Variants in RFLNA observed in about 807,000 individuals in gnomAD.
RFLNA encodes refilin-A.
RFLNA carries 5 observed loss-of-function variants against 7.8 expected under a neutral mutation model. That is an observed-to-expected ratio of 0.64 (90% CI 0.34 to 1.35). The LOEUF (loss-of-function observed/expected upper bound fraction) is 1.35, where lower values mean the gene tolerates loss of function less well. RFLNA is among the 40% of genes most tolerant of loss of function. The pLI is 0.04. For missense variants in RFLNA, 278 were observed against 305.5 expected (o/e 0.91, Z 0.67); for synonymous variants, 141 against 131.3 (o/e 1.07, Z -0.50).
rs547639806 is a variant in RFLNA, at chr12:124,311,756, A to G, written c.208-62A>G. On this transcript the variant is annotated intron_variant, in intron 1 of 2. Coordinates refer to ENST00000546355, the MANE Select transcript of RFLNA (RefSeq NM_001365156.1). ...TGTCAGGTGGTCCTGTGTGCCCAGCAGGGAGCTGAGGCCACTGCAACAAGG... is the reference window on the plus strand; with the variant it reads ...TGTCAGGTGGTCCTGTGTGCCCAGCGGGGAGCTGAGGCCACTGCAACAAGG... 467 of 1,408,028 alleles carry G rather than the reference A, an allele frequency of 3.3e-4. 1 individual carries two copies. In the African/African-American group the frequency reaches 6.4e-3, roughly 19 times the overall value. 87.2% of individuals were successfully genotyped at this position (1,408,028 alleles called of 1,614,324 possible).
In RFLNA at chr12:124,301,952, C is replaced by T. The variant is rs554099493; in HGVS notation, c.207+6316C>T. Among the ~76,000 whole-genome samples, 45 of 152,276 alleles carry T rather than the reference C, an allele frequency of 3.0e-4. No homozygotes were observed. In the South Asian group the frequency reaches 7.9e-3, roughly 27 times the overall value. On this transcript the variant is annotated intron_variant, in intron 1 of 2. Transcript: ENST00000546355. ...GCCAAGAAGTCTGAAATCGAGCTGA[C>T]GGCGGGGGCACGCTCCTCTGGAGGC...
chr12:124,314,066 C>T, intron 2 of RFLNA, 126 bp from the exon 3 acceptor site: 7 of 1,254,246 alleles, frequency 5.6e-6, no homozygotes, highest in Non-Finnish European at 6.5e-6. Context: ...CTTGACATTT[C>T]AGAGCAGCCC....
chr12:124,312,036 G>A, intron 2 of RFLNA, 109 bp downstream of exon 2: 3 of 1,310,718 alleles, frequency 2.3e-6, no homozygotes, highest in Non-Finnish European at 2.0e-6. Context: ...GGGGGCTCAG[G>A]AGGCTCCCTA....
At chr12:124,309,430 A>G (rs1056042251) in intron 1 of RFLNA, among the ~76,000 whole-genome samples, 1 of 152,236 alleles carries the variant, frequency 6.6e-6, no homozygotes, top group Admixed American at 6.5e-5. Context: ...AGCAGTACAG[A>G]GCGCAGTGCC....
chr12:124,310,973 C>G (rs1220275626), intron 1 of RFLNA, among the ~76,000 whole-genome samples: 2 of 152,234 alleles, frequency 1.3e-5, no homozygotes, highest in Non-Finnish European at 2.9e-5. Flanking sequence ...GGGACAGTTT[C>G]AGGTGTGGCT....
At chr12:124,290,547 CAT>C (rs1160949580), upstream of RFLNA, among the ~76,000 whole-genome samples, 3 of 151,706 alleles carry the variant, frequency 2.0e-5, no homozygotes, top group Non-Finnish European at 4.4e-5. This position sits in a 1 kb window ranked among gnomAD's most constrained non-coding sequence, Gnocchi z 4.0. Context: ...TGTGTATATA[CAT>C]GTTTATGTGT....
In RFLNA at chr12:124,308,609, C is replaced by T. The variant is rs193102552; in HGVS notation, c.208-3209C>T. Among the ~76,000 whole-genome samples the T allele has an allele frequency of 2.3e-4, 35 of 152,348 alleles. 1 individual carries two copies. Among genetic ancestry groups the T allele is most frequent in the South Asian group, 6.2e-4 (3 of 4,828 alleles). On this transcript the variant is annotated intron_variant, in intron 1 of 2. Coordinates refer to ENST00000546355, the MANE Select transcript of RFLNA (RefSeq NM_001365156.1). Reference sequence around the variant, plus strand: ...AGGGAGAGGGTCTGCAGGTTTCAGACCAGACTGTGACCTCCCTTGGGTTCC... The same window carrying T: ...AGGGAGAGGGTCTGCAGGTTTCAGATCAGACTGTGACCTCCCTTGGGTTCC...
At chr12:124,309,696 A>C (rs2034204166) in intron 1 of RFLNA, among the ~76,000 whole-genome samples, 1 of 152,202 alleles carries the variant, frequency 6.6e-6, no homozygotes, top group African/African-American at 2.4e-5. Flanking sequence ...TGGCCTTGCC[A>C]GGCCCCCTGC....
chr12:124,302,464 TC>T (rs1032144182), intron 1 of RFLNA, among the ~76,000 whole-genome samples: 25 of 151,252 alleles, frequency 1.7e-4, no homozygotes, highest in Non-Finnish European at 3.5e-4. Flanking sequence ...TCTCCTGGGA[TC>T]CCCCCCAAGC....
intron 1 of RFLNA, among the ~76,000 whole-genome samples, chr12:124,301,563 G>A (rs889708633): frequency 6.6e-6 from 1 of 152,172 alleles, no homozygotes; most frequent in Non-Finnish European, 1.5e-5. Flanking sequence ...ATCTTAGGAT[G>A]CACAGGAATC....
At chr12:124,310,521 G>GTCCTTAGGCCACTTTCTGTT in intron 1 of RFLNA, among the ~76,000 whole-genome samples, 1 of 147,570 alleles carries the variant, frequency 6.8e-6, no homozygotes, top group African/African-American at 2.5e-5. Context: ...GCAGGGAGGG[G>GTCCTTAGGCCACTTTCTGTT]GAGGTGGACT....
At chr12:124,313,947 C>T (rs979408686) in intron 2 of RFLNA, among the ~76,000 whole-genome samples, 1 of 152,214 alleles carries the variant, frequency 6.6e-6, no homozygotes, top group African/African-American at 2.4e-5. Context: ...GCTTACTTTT[C>T]TCCCCAGTTC....
chr12:124,293,584 C>A (rs1277932941), upstream of RFLNA, among the ~76,000 whole-genome samples: 1 of 152,140 alleles, frequency 6.6e-6, no homozygotes, highest in Non-Finnish European at 1.5e-5. Context: ...AAATGGAATC[C>A]GTAGTCCCAT....
At chr12:124,309,146 G>A (rs916768193) in intron 1 of RFLNA, among the ~76,000 whole-genome samples, 1 of 151,844 alleles carries the variant, frequency 6.6e-6, no homozygotes, top group Non-Finnish European at 1.5e-5. Context: ...GTGTGGCCCT[G>A]GGGCCCAGTG....
Position 124,289,315 on chromosome 12 carries a change from G to A in RFLNA, c.-92G>A, listed in dbSNP as rs959647012. Reference sequence around the variant, plus strand: ...ACAGCCGGAAGGTGTGAAGCGGCAAGTTTCCAGCCGGGAAGAAGCCTCTCA... The same window carrying A: ...ACAGCCGGAAGGTGTGAAGCGGCAAATTTCCAGCCGGGAAGAAGCCTCTCA... On this transcript the variant is annotated 5_prime_UTR_variant, in exon 1 of 3. Transcript: ENST00000324038. This position sits in a 1 kb window ranked among gnomAD's most constrained non-coding sequence, Gnocchi z 5.0. 6.6e-6 allele frequency: 1 copy of A among 152,234 alleles called. No homozygotes were observed. Among genetic ancestry groups the A allele is most frequent in the East Asian group, 1.9e-4 (1 of 5,196 alleles). 9.4% of individuals were successfully genotyped at this position (152,234 alleles called of 1,614,324 possible).
At chr12:124,307,270 G>A (rs967560732) in intron 1 of RFLNA, among the ~76,000 whole-genome samples, 4 of 152,202 alleles carry the variant, frequency 2.6e-5, no homozygotes, top group African/African-American at 9.6e-5. Context: ...CACTGCCTCA[G>A]TCTCCAGTGG....
At chr12:124,301,303 C>A (rs1375476088) in intron 1 of RFLNA, among the ~76,000 whole-genome samples, 2 of 152,250 alleles carry the variant, frequency 1.3e-5, no homozygotes, top group Non-Finnish European at 2.9e-5. Flanking sequence ...CAGGCTTACC[C>A]AGCTGAGAAA....
intron 1 of RFLNA, among the ~76,000 whole-genome samples, chr12:124,305,292 C>T (rs2034118757): frequency 6.6e-6 from 1 of 152,220 alleles, no homozygotes; most frequent in Admixed American, 6.5e-5. Flanking sequence ...GGCGCTGTTC[C>T]ATGTGGCTGC....
chr12:124,299,106 T>G (rs1348022273), intron 1 of RFLNA, among the ~76,000 whole-genome samples: 1 of 152,266 alleles, frequency 6.6e-6, no homozygotes, highest in South Asian at 2.1e-4. Flanking sequence ...ATTTTTATTT[T>G]TAAAAAGCCA....
Sources: gnomAD v4.1 joint callset for allele counts (sites outside exome capture counted in the v4.1 genomes callset) on GRCh38, gnomAD v4.1.1 for gene constraint, Gnocchi (gnomAD v3.1) non-coding constraint, MANE v1.5 for transcripts, NCBI Gene and HGNC (gene_info 2026-07-23, HGNC 2026-07-21) for gene names.